Variants in C8orf74 observed in about 807,000 individuals in gnomAD.
C8orf74 encodes the protein chromosome 8 open reading frame 74, also known as uncharacterized protein C8orf74.
A neutral mutation model predicts 22.2 loss-of-function variants in C8orf74; 29 were observed. That is an observed-to-expected ratio of 1.31 (90% CI 0.97 to 1.78). C8orf74 has a LOEUF of 1.78. C8orf74 is among the 40% of genes most tolerant of loss of function. The pLI, the probability that C8orf74 is intolerant of heterozygous loss-of-function variation, is 0.00. For missense variants in C8orf74, 515 were observed against 369.9 expected, an observed-to-expected ratio of 1.39 and a Z score of -3.22; for synonymous variants, 255 against 163.1, an observed-to-expected ratio of 1.56 and a Z score of -4.30.
intron 2 of C8orf74, chr8:10,679,872 GT>G (rs1799111681): frequency 1.3e-5 from 2 of 152,724 alleles, no homozygotes; most frequent in Non-Finnish European, 2.9e-5. Context: ...TCACCAGGCC[GT>G]CCCCTTTCTC....
At chr8:10,694,032 G>A (rs1799438760) in intron 2 of C8orf74, among the ~76,000 whole-genome samples, 1 of 152,172 alleles carries the variant, frequency 6.6e-6, no homozygotes, top group African/African-American at 2.4e-5. Flanking sequence ...GCTGTGAAGT[G>A]GCCCCACCTC....
chr8:10,672,769 A>G, intron 1 of C8orf74, 56 bp downstream of exon 1: 1 of 1,493,102 alleles, frequency 6.7e-7, no homozygotes, highest in Non-Finnish European at 9.1e-7. Context: ...CTGGGCACAT[A>G]GGGAGGTGGG....
chr8:10,675,777 C>G (rs1444657166), intron 2 of C8orf74: 1 of 152,208 alleles, frequency 6.6e-6, no homozygotes, highest in East Asian at 1.9e-4. Flanking sequence ...CAAAGTAGGA[C>G]CATGGCTCAA....
chr8:10,676,987 T>C (rs1401082514), intron 2 of C8orf74, among the ~76,000 whole-genome samples: 1 of 152,160 alleles, frequency 6.6e-6, no homozygotes, highest in Non-Finnish European at 1.5e-5. Flanking sequence ...AACCCAAGAT[T>C]AGGGCGCTCT....
At chr8:10,697,507 G>C in intron 2 of C8orf74, 92 bp from the exon 3 acceptor site, 2 of 1,101,810 alleles carry the variant, frequency 1.8e-6, no homozygotes, top group Non-Finnish European at 2.7e-6. Context: ...TGGGCTCTGT[G>C]ACCAGGCTGT....
chr8:10,690,312 G>A (rs555703129), intron 2 of C8orf74, among the ~76,000 whole-genome samples: 13 of 152,200 alleles, frequency 8.5e-5, no homozygotes, highest in East Asian at 1.9e-4. Flanking sequence ...GGCGGTGGGT[G>A]CTCCCTAACT....
intron 2 of C8orf74, among the ~76,000 whole-genome samples, chr8:10,678,308 T>C (rs999186052): frequency 6.6e-6 from 1 of 152,166 alleles, no homozygotes; most frequent in Non-Finnish European, 1.5e-5. Flanking sequence ...AAGGATCAAA[T>C]GAGGCTGTGC....
At chr8:10,691,167 T>C (rs959079448) in intron 2 of C8orf74, 4 of 349,520 alleles carry the variant, frequency 1.1e-5, no homozygotes, top group Non-Finnish European at 2.3e-5. Context: ...AAGTTAGAAT[T>C]CAGCCCAGGG....
chr8:10,698,906 C>CACACACAA (rs1356244437), intron 3 of C8orf74, among the ~76,000 whole-genome samples: 3 of 76,058 alleles, frequency 3.9e-5, no homozygotes, highest in African/African-American at 1.9e-4. Flanking sequence ...ACACACCACA[C>CACACACAA]ACACACACAC....
In C8orf74 at chr8:10,698,720, C is replaced by G. The variant is rs560290512; in HGVS notation, c.648+715C>G. The stretch of plus-strand genomic sequence containing the variant: ...GGCACTGAAGTCATCATTGTTGCAT[C>G]ATCTCTGAACATACTTTGAGAGACA... On this transcript the variant is annotated intron_variant, in intron 3 of 3. Transcript: ENST00000304519. Among the ~76,000 whole-genome samples the G allele has an allele frequency of 4.6e-5, 7 of 152,264 alleles. No individual in the cohort carries two copies. In the South Asian group the frequency reaches 1.4e-3, roughly 32 times the overall value.
chr8:10,683,704 T>G (rs1799200286), intron 2 of C8orf74, among the ~76,000 whole-genome samples: 1 of 151,882 alleles, frequency 6.6e-6, no homozygotes, highest in African/African-American at 2.4e-5. Flanking sequence ...CTTATGAGAG[T>G]TGAGAGGAGC....
At chr8:10,677,671 G>C (rs2129056323) in intron 2 of C8orf74, among the ~76,000 whole-genome samples, 1 of 151,982 alleles carries the variant, frequency 6.6e-6, no homozygotes, top group South Asian at 2.1e-4. Context: ...CCCTCATCCA[G>C]GTAGCCTTGT....
At chr8:10,684,230 A>T (rs1322238413) in intron 2 of C8orf74, among the ~76,000 whole-genome samples, 15 of 152,246 alleles carry the variant, frequency 9.9e-5, no homozygotes, top group Non-Finnish European at 2.2e-4. Flanking sequence ...CTTGCCAATC[A>T]TCACACAATA....
At chr8:10,688,361 T>C (rs1279957654) in intron 2 of C8orf74, 1 of 152,214 alleles carries the variant, frequency 6.6e-6, no homozygotes, top group East Asian at 1.9e-4. Context: ...AAGAGAACAC[T>C]GATGCCCAGA....
intron 3 of C8orf74, among the ~76,000 whole-genome samples, chr8:10,699,068 A>T (rs971352687): frequency 6.6e-6 from 1 of 152,136 alleles, no homozygotes; most frequent in Non-Finnish European, 1.5e-5. Context: ...TTCAATAAAG[A>T]CCCAACAAAA....
intron 2 of C8orf74, among the ~76,000 whole-genome samples, chr8:10,693,968 C>T (rs756452138): frequency 6.6e-6 from 1 of 152,232 alleles, no homozygotes; most frequent in African/African-American, 2.4e-5. Context: ...CAAGCCTCAC[C>T]TTGCTCCCAC....
intron 2 of C8orf74, chr8:10,687,039 G>T (rs1372286353): frequency 2.2e-6 from 1 of 455,030 alleles, no homozygotes; most frequent in South Asian, 1.6e-5. Context: ...AGTCTCCAGG[G>T]TTATAGTCCT....
At chr8:10,685,799 G>C (rs2129057396) in intron 2 of C8orf74, among the ~76,000 whole-genome samples, 1 of 152,354 alleles carries the variant, frequency 6.6e-6, no homozygotes, top group African/African-American at 2.4e-5. Context: ...GCCGGGTAAA[G>C]TGGCTCACGC....
chr8:10,680,093 C>G (rs1413352323), intron 2 of C8orf74: 1 of 152,280 alleles, frequency 6.6e-6, no homozygotes, highest in East Asian at 1.9e-4. Context: ...AGTCAATTCC[C>G]GATGCCCATG....
Sources: allele counts gnomAD v4.1 joint callset (sites outside exome capture counted in the v4.1 genomes callset), GRCh38; gene constraint gnomAD v4.1.1; transcripts MANE v1.5; gene names NCBI Gene and HGNC (gene_info 2026-07-23, HGNC 2026-07-21).